The following SIPA1 variants were observed in gnomAD, a reference collection of about 807,000 sequenced individuals.
The protein encoded by SIPA1 is signal-induced proliferation-associated protein 1.
SIPA1 carries 51 observed loss-of-function variants against 88.1 expected under a neutral mutation model. The observed-to-expected ratio is 0.58, with a 90% CI of 0.46 to 0.73. The LOEUF is 0.73. SIPA1 is among the 30% of genes least tolerant of loss of function. SIPA1 has a pLI of 0.00. For missense variants in SIPA1, 1,348 were observed against 1,467.6 expected, an observed-to-expected ratio of 0.92 and a Z score of 1.33; for synonymous variants, 681 against 664.8, an observed-to-expected ratio of 1.02 and a Z score of -0.37.
chr11:65,649,281 A>G lies in SIPA1; in HGVS notation c.2326A>G (p.Thr776Ala). 2 of 1,544,994 alleles carry G rather than the reference A, an allele frequency of 1.3e-6. No individual in the cohort carries two copies. Among genetic ancestry groups the G allele is most frequent in the East Asian group, 2.4e-5 (1 of 41,206 alleles). ...RPRRSFSELY[T>A]LSLQEPSRRG... ...CCACAGGAGTTTTTCGGAGCTGTAC[A>G]CGCTGTCGCTGCAGGAGCCTAGCCG... The change falls in exon 10 of 16, where the codon ACG becomes GCG. Residue 776 changes from threonine (T) to alanine (A), a missense_variant. Physicochemically the swap from Thr to Ala is moderately conservative, Grantham distance 58. This residue lies in a region of SIPA1 where 615 missense variants were observed against 559.8 expected (regional missense o/e 1.10). Transcript: ENST00000534313.
At chr11:65,645,814 C>G (rs1856099497) in intron 5 of SIPA1, 40 bp from the exon 6 acceptor site, 1 of 1,484,904 alleles carries the variant, frequency 6.7e-7, no homozygotes, top group East Asian at 2.3e-5. Flanking sequence ...TTAGATTCCC[C>G]TTGTTTTCTC....
chr11:65,649,702 C>T (rs188067791), intron 11 of SIPA1, 30 bp downstream of exon 11: 57 of 1,614,102 alleles, frequency 3.5e-5, no homozygotes, highest in East Asian at 4.5e-5. Flanking sequence ...TGGAGCCCAA[C>T]AGCACAGTGG....
Position 65,646,270 on chromosome 11 carries a change from A to T in SIPA1, c.1313A>T (p.Gln438Leu), listed in dbSNP as rs941875302. ...AACGACATTGTGACCATCGTGTTCC[A>T]GGAGCCTGGCAGCAAGCCCTTCTGC... Reference protein sequence around the residue: ...IGNDIVTIVFQEPGSKPFCPT... With the variant: ...IGNDIVTIVFLEPGSKPFCPT... The change falls in exon 7 of 16, where the codon CAG becomes CTG. Residue 438 changes from glutamine to leucine, a missense_variant. Around this residue, in one of 4 missense-constraint regions of SIPA1, gnomAD observed 641 missense variants for 797.7 expected, o/e 0.80. Transcript: ENST00000534313. This position sits in a 1 kb window ranked among gnomAD's most constrained non-coding sequence, Gnocchi z 7.5. 16 of 1,614,014 alleles carry T rather than the reference A, an allele frequency of 9.9e-6. No individual in the cohort carries two copies. Among genetic ancestry groups the T allele is most frequent in the Non-Finnish European group, 1.4e-5 (16 of 1,179,998 alleles).
In SIPA1 at chr11:65,646,139, G is replaced by A. The variant is rs537741381; in HGVS notation, c.1264-82G>A. On this transcript the variant is annotated intron_variant, in intron 6 of 15. Transcript: ENST00000534313. This position sits in a 1 kb window ranked among gnomAD's most constrained non-coding sequence, Gnocchi z 7.5. ...CAGGGGCAGTGGGGGAGCCATTGGTGCCTTGGCTTTCTCCTGCCTGAATGA... is the reference window on the plus strand; with the variant it reads ...CAGGGGCAGTGGGGGAGCCATTGGTACCTTGGCTTTCTCCTGCCTGAATGA... 2.0e-5 allele frequency: 31 copies of A among 1,519,048 alleles called. No homozygotes were observed. The African/African-American group carries it at 3.8e-4, about 19-fold the overall frequency. 94.1% of individuals were successfully genotyped at this position (1,519,048 alleles called of 1,614,324 possible).
Position 65,645,065 on chromosome 11 carries a change from C to A in SIPA1, c.1095C>A (p.Thr365=). The A allele has an allele frequency of 6.2e-7, 1 of 1,614,082 alleles. No homozygotes were observed. Among genetic ancestry groups the A allele is most frequent in the Non-Finnish European group, 8.5e-7 (1 of 1,179,956 alleles). The change falls in exon 5 of 16, where the codon ACC becomes ACA. Residue 365 remains threonine (T), a synonymous_variant. Transcript: ENST00000534313. ...GACCGGCCTTCATGCAGTTTCTCAC[C>A]TTGCTGGGCGATGTGGTGCGGCTCA... The part of the protein sequence containing the change: ...EAGPAFMQFL[T]LLGDVVRLKG...
In SIPA1 at chr11:65,646,948, G is replaced by C. The variant is rs1385489373; in HGVS notation, c.1914G>C (p.Leu638=). The change falls in exon 8 of 16, where the codon CTG becomes CTC. Residue 638 remains leucine, a synonymous_variant. Coordinates refer to ENST00000534313, the MANE Select transcript of SIPA1 (RefSeq NM_006747.4). This position sits in a 1 kb window ranked among gnomAD's most constrained non-coding sequence, Gnocchi z 7.5. ...TCAATTGCGCCTGTCGCGACGTGCTGGCCTGGACCTTCTCCGAGCAGCAGC... is the reference window on the plus strand; with the variant it reads ...TCAATTGCGCCTGTCGCGACGTGCTCGCCTGGACCTTCTCCGAGCAGCAGC... ...VVFNCACRDV[L]AWTFSEQQLD... 1.3e-6 allele frequency: 2 copies of C among 1,538,250 alleles called. No homozygotes were observed. Among genetic ancestry groups the C allele is most frequent in the South Asian group, 1.2e-5 (1 of 84,170 alleles).
Position 65,641,143 on chromosome 11 carries a change from C to A in SIPA1, c.222C>A (p.Ser74Arg). Residue 74 changes from serine (S) to arginine (R), a missense_variant, in exon 2 of 16, where the codon AGC (serine) becomes AGA (arginine). Physicochemically the swap from Ser to Arg is moderately radical, Grantham distance 110 (BLOSUM62 -1). Around this residue, in one of 4 missense-constraint regions of SIPA1, gnomAD observed 641 missense variants for 797.7 expected, o/e 0.80. Transcript: ENST00000534313. The part of the protein sequence containing the change: ...TPASPRARAH[S>R]HEEASRPAAT... The stretch of plus-strand genomic sequence containing the variant: ...CCAGCCCCCGTGCCCGTGCCCACAG[C>A]CACGAAGAGGCCAGCCGACCTGCAG... 1.2e-6 allele frequency: 2 copies of A among 1,604,720 alleles called. No homozygotes were observed. The highest frequency in any genetic ancestry group is 4.5e-5 in the East Asian group (2 of 44,880).
At chr11:65,645,824 C>A in intron 5 of SIPA1, 30 bp from the exon 6 acceptor site, 3 of 1,536,340 alleles carry the variant, frequency 2.0e-6, no homozygotes, top group Non-Finnish European at 2.7e-6. Context: ...CTTGTTTTCT[C>A]CTTCTGTGTC....
chr11:65,645,340 C>A lies in SIPA1; in HGVS notation c.1159+211C>A, dbSNP rs144106272. Among the ~76,000 whole-genome samples the A allele has an allele frequency of 2.3e-4, 35 of 152,270 alleles. 2 individuals are homozygous for A. Among genetic ancestry groups the A allele is most frequent in the African/African-American group, 8.2e-4 (34 of 41,538 alleles). On this transcript the variant is annotated intron_variant, in intron 5 of 15. Coordinates refer to ENST00000534313, the MANE Select transcript of SIPA1 (RefSeq NM_006747.4). ...CCCTCAAGGCCCAAGTACCCTACTG[C>A]CTGAGCTGGGGCTAAAGTGGTTTGG...
chr11:65,641,659 C>T (rs1347715819), intron 2 of SIPA1, 59 bp downstream of exon 2: 9 of 1,431,106 alleles, frequency 6.3e-6, no homozygotes, highest in Non-Finnish European at 6.7e-6. Context: ...GTCCCTGTCA[C>T]CTGCAGTGCA....
rs752650654 is a variant in SIPA1, at chr11:65,649,533, C to T, written c.2526-28C>T. 4 of 1,614,080 alleles carry T rather than the reference C, an allele frequency of 2.5e-6. No homozygotes were observed. The South Asian group carries it at 4.4e-5, about 18-fold the overall frequency. On this transcript the variant is annotated intron_variant, in intron 10 of 15. Coordinates refer to ENST00000534313, the MANE Select transcript of SIPA1 (RefSeq NM_006747.4). ...CCAGGCCTCTGGGAAAGCGGCTTCC[C>T]TTTCTGAGCCACCCCTGCTCTCCCC... is the stretch of plus-strand genomic sequence containing the variant.
intron 8 of SIPA1, 50 bp from the exon 9 acceptor site, chr11:65,647,334 G>A: frequency 7.3e-7 from 1 of 1,371,154 alleles, no homozygotes; most frequent in Non-Finnish European, 9.3e-7. Flanking sequence ...GGGCGCTGGG[G>A]CGGCCCCACC....
rs988347328 is a variant in SIPA1, at chr11:65,646,386, C to T, written c.1421+8C>T. ...GCCACACACCACCTACAGGTGGGCA[C>T]CGGAGTGGTCCCAGGTCTCCCGTGG... On this transcript the variant is annotated splice_region_variant and intron_variant, in intron 7 of 15. Transcript: ENST00000534313. This position sits in a 1 kb window ranked among gnomAD's most constrained non-coding sequence, Gnocchi z 7.5. 4 of 1,607,856 alleles carry T rather than the reference C, an allele frequency of 2.5e-6. No homozygotes were observed. Among genetic ancestry groups the T allele is most frequent in the Non-Finnish European group, 2.5e-6 (3 of 1,179,688 alleles).
chr11:65,646,131 C>A lies in SIPA1; in HGVS notation c.1264-90C>A. ...GTCTTCACCAGGGGCAGTGGGGGAG[C>A]CATTGGTGCCTTGGCTTTCTCCTGC... On this transcript the variant is annotated intron_variant, in intron 6 of 15. Coordinates refer to ENST00000534313, the MANE Select transcript of SIPA1 (RefSeq NM_006747.4). The surrounding 1 kb of genome is among the most constrained non-coding windows in gnomAD (Gnocchi z 7.5). 6.8e-7 allele frequency: 1 copy of A among 1,479,092 alleles called. No individual in the cohort carries two copies. The highest frequency in any genetic ancestry group is 9.3e-7 in the Non-Finnish European group (1 of 1,076,046). 91.6% of individuals were successfully genotyped at this position (1,479,092 alleles called of 1,614,324 possible).
chr11:65,650,511 C>T, intron 15 of SIPA1, 32 bp downstream of exon 15: 2 of 1,613,324 alleles, frequency 1.2e-6, no homozygotes, highest in East Asian at 2.2e-5. Context: ...GGGGGAGTCA[C>T]AGGGCTGCCC....
chr11:65,641,722 G>T, intron 2 of SIPA1, 122 bp downstream of exon 2: 1 of 947,362 alleles, frequency 1.1e-6, no homozygotes, highest in Non-Finnish European at 1.5e-6. Flanking sequence ...GGCCCTGGGA[G>T]GGCTCAAGAG....
chr11:65,650,809 C>A lies in SIPA1; in HGVS notation c.*94C>A. ...TGCGCAGAGGCGTGTCTTAGCACTG[C>A]CCCCCTCCCTAGCCCCTTATTTGGT... On this transcript the variant is annotated 3_prime_UTR_variant, in exon 16 of 16. Coordinates refer to ENST00000534313, the MANE Select transcript of SIPA1 (RefSeq NM_006747.4). 7.7e-7 allele frequency: 1 copy of A among 1,306,908 alleles called. No homozygotes were observed. The highest frequency in any genetic ancestry group is 1.0e-6 in the Non-Finnish European group (1 of 979,682). 81.0% of individuals were successfully genotyped at this position (1,306,908 alleles called of 1,614,324 possible). A position where few individuals can be genotyped will look rare whatever the true frequency, so the allele number is the denominator to read the frequency against.
intron 9 of SIPA1, among the ~76,000 whole-genome samples, chr11:65,648,405 C>T (rs1856180839): frequency 6.6e-6 from 1 of 152,202 alleles, no homozygotes; most frequent in Non-Finnish European, 1.5e-5. Context: ...GTCTCTGCCG[C>T]AGCTACTCTG....
In SIPA1 at chr11:65,642,195, G is replaced by A. The variant is rs1856017992; in HGVS notation, c.680-55G>A. On this transcript the variant is annotated intron_variant, in intron 2 of 15. Coordinates refer to ENST00000534313, the MANE Select transcript of SIPA1 (RefSeq NM_006747.4). This position sits in a 1 kb window ranked among gnomAD's most constrained non-coding sequence, Gnocchi z 6.5. The stretch of plus-strand genomic sequence containing the variant: ...GCTTAGTGATGCGCGTGGTCGAGCG[G>A]GGGCGGGGCTGCCAGAGGGCGGGAC... The A allele has an allele frequency of 5.2e-6, 8 of 1,533,238 alleles. No homozygotes were observed. The highest frequency in any genetic ancestry group is 1.2e-5 in the South Asian group (1 of 82,048). 95.0% of individuals were successfully genotyped at this position (1,533,238 alleles called of 1,614,324 possible).
Sources: allele counts gnomAD v4.1 joint callset (sites outside exome capture counted in the v4.1 genomes callset), GRCh38; gene constraint gnomAD v4.1.1; regional missense constraint gnomAD v4.1.1; non-coding constraint Gnocchi (gnomAD v3.1); transcripts MANE v1.5; gene names NCBI Gene and HGNC (gene_info 2026-07-23, HGNC 2026-07-21).